The following AFF3 variants were observed in gnomAD, a reference collection of about 807,000 sequenced individuals.
AFF3 encodes the protein AF4/FMR2 family member 3.
Under a neutral mutation model 129.7 loss-of-function variants are expected in AFF3, and 32 were observed. The observed-to-expected ratio is 0.25, with a 90% CI of 0.19 to 0.33. The LOEUF is 0.33. AFF3 is among the 10% of genes least tolerant of loss of function. AFF3 has a pLI of 1.00. For missense variants in AFF3, 1,373 were observed against 1,592.0 expected (o/e 0.86, Z 2.34); for synonymous variants, 644 against 635.4 (o/e 1.01, Z -0.20).
chr2:99,718,388 C>T (rs34369751), intron 11 of AFF3, among the ~76,000 whole-genome samples: 130,375 of 152,280 alleles, frequency 0.86, 55,961 homozygotes, highest in East Asian at 0.92. Flanking sequence ...GCTACATTTA[C>T]TCAGTTTTTA....
intron 7 of AFF3, among the ~76,000 whole-genome samples, chr2:99,944,920 C>G (rs1017590729): frequency 2.0e-5 from 3 of 152,104 alleles, no homozygotes; most frequent in African/African-American, 7.2e-5. Flanking sequence ...TTTTAAAAAA[C>G]AGACTTAGAG....
At chr2:99,932,866 T>A (rs1384703910) in intron 7 of AFF3, among the ~76,000 whole-genome samples, 2 of 152,220 alleles carry the variant, frequency 1.3e-5, no homozygotes, top group Non-Finnish European at 2.9e-5. Context: ...AGTTTCCAAT[T>A]AACTTTTTTG....
chr2:100,011,110 T>C (rs532139655), intron 4 of AFF3, among the ~76,000 whole-genome samples: 2 of 152,062 alleles, frequency 1.3e-5, no homozygotes, highest in Admixed American at 1.3e-4. Context: ...CCATTTCTAC[T>C]AAAAATACAA....
At chr2:100,054,273 T>G (rs1222283011) in intron 4 of AFF3, among the ~76,000 whole-genome samples, 1 of 152,222 alleles carries the variant, frequency 6.6e-6, no homozygotes, top group East Asian at 1.9e-4. Flanking sequence ...GGATTTTCTG[T>G]GTCATCTTGC....
At chr2:99,916,613 C>T (rs1340954572) in intron 7 of AFF3, among the ~76,000 whole-genome samples, 1 of 152,118 alleles carries the variant, frequency 6.6e-6, no homozygotes, top group Non-Finnish European at 1.5e-5. Flanking sequence ...CCAACAGGTT[C>T]TCCAATGGCC....
intron 7 of AFF3, among the ~76,000 whole-genome samples, chr2:99,998,890 A>G (rs941537529): frequency 2.0e-5 from 3 of 152,200 alleles, no homozygotes; most frequent in South Asian, 2.1e-4. Context: ...AGAACTCTGC[A>G]TATTTTAGGT....
chr2:99,927,516 G>C (rs1696344740), intron 7 of AFF3, among the ~76,000 whole-genome samples: 1 of 152,080 alleles, frequency 6.6e-6, no homozygotes, highest in Non-Finnish European at 1.5e-5. Flanking sequence ...TTATAAGTGG[G>C]AGCTAAATGA....
chr2:100,012,667 G>A (rs999785201), intron 4 of AFF3, among the ~76,000 whole-genome samples: 4 of 152,100 alleles, frequency 2.6e-5, no homozygotes, highest in East Asian at 3.8e-4. Flanking sequence ...AGCCCTCTTC[G>A]TCCCCCTGCC....
chr2:99,654,549 C>T (rs1009708947), intron 12 of AFF3, among the ~76,000 whole-genome samples: 4 of 152,122 alleles, frequency 2.6e-5, no homozygotes, highest in African/African-American at 7.2e-5. Flanking sequence ...AGATGAATTG[C>T]CCAATTTCAT....
chr2:100,033,916 A>G (rs1174925254), intron 4 of AFF3, among the ~76,000 whole-genome samples: 1 of 152,210 alleles, frequency 6.6e-6, no homozygotes, highest in African/African-American at 2.4e-5. Context: ...ATTCTTCAAC[A>G]TTTATCCACT....
chr2:99,853,087 T>C (rs1690267866), intron 7 of AFF3, among the ~76,000 whole-genome samples: 1 of 152,228 alleles, frequency 6.6e-6, no homozygotes, highest in African/African-American at 2.4e-5. Flanking sequence ...ATCTGCTCAA[T>C]ATTACAGCAA....
chr2:99,831,879 C>G (rs1688538770), intron 8 of AFF3, among the ~76,000 whole-genome samples: 1 of 152,180 alleles, frequency 6.6e-6, no homozygotes, highest in African/African-American at 2.4e-5. Context: ...CTGCAAACCA[C>G]CTTTCAAGGA....
chr2:99,553,099 G>A (rs1674559281), intron 24 of AFF3, among the ~76,000 whole-genome samples: 1 of 152,090 alleles, frequency 6.6e-6, no homozygotes, highest in Non-Finnish European at 1.5e-5. Flanking sequence ...ACCACACCCG[G>A]CTAATGTTTG....
intron 7 of AFF3, among the ~76,000 whole-genome samples, chr2:99,947,379 G>C (rs1302091109): frequency 1.3e-5 from 2 of 152,116 alleles, no homozygotes; most frequent in African/African-American, 4.8e-5. Flanking sequence ...GGAGGCAGAG[G>C]TTGCAGCGAC....
chr2:99,797,046 A>G (rs1026801026), intron 8 of AFF3, among the ~76,000 whole-genome samples: 1 of 152,182 alleles, frequency 6.6e-6, no homozygotes, highest in Non-Finnish European at 1.5e-5. Context: ...ACAAAAAAGC[A>G]AAACTCTGTC....
Position 100,103,455 on chromosome 2 carries a change from T to C in AFF3, c.53+947A>G, listed in dbSNP as rs1225800286. ...CATAACACAAGTTCCTCCAGGAATA[T>C]GCAGGCAGTAATTTTACCACCTGAA... On this transcript the variant is annotated intron_variant, in intron 4 of 24. Transcript: ENST00000672756. Among the ~76,000 whole-genome samples the C allele has an allele frequency of 1.0e-4, 15 of 148,374 alleles. No homozygotes were observed. In the South Asian group the frequency reaches 2.0e-3, roughly 20 times the overall value.
At chr2:99,824,017 G>GTACCCCAAACCTCAGCATCATGCAATA (rs1687885302) in intron 8 of AFF3, among the ~76,000 whole-genome samples, 1 of 151,976 alleles carries the variant, frequency 6.6e-6, no homozygotes, top group African/African-American at 2.4e-5. Context: ...GGGATCACTT[G>GTACCCCAAACCTCAGCATCATGCAATA]TACCCCAAAC....
intron 4 of AFF3, among the ~76,000 whole-genome samples, chr2:100,009,850 A>G (rs1377967651): frequency 6.6e-6 from 1 of 152,160 alleles, no homozygotes; most frequent in African/African-American, 2.4e-5. Context: ...CCGTGTAGAC[A>G]ACAGAACCAA....
chr2:99,799,455 A>T (rs1250214589), intron 8 of AFF3, among the ~76,000 whole-genome samples: 11 of 151,788 alleles, frequency 7.2e-5, no homozygotes, highest in Non-Finnish European at 1.5e-4. Flanking sequence ...AAAGAAAAAA[A>T]GACCCTTAAC....
Sources: gnomAD v4.1 joint callset for allele counts (sites outside exome capture counted in the v4.1 genomes callset) on GRCh38, gnomAD v4.1.1 for gene constraint, MANE v1.5 for transcripts, NCBI Gene and HGNC (gene_info 2026-07-23, HGNC 2026-07-21) for gene names.